The following ACYP2 variants were observed in gnomAD, a reference collection of about 807,000 sequenced individuals.
The protein encoded by ACYP2 is acylphosphatase 2, also known as acylphosphatase-2.
In ACYP2, 12 loss-of-function variants were observed where a neutral mutation model predicts 11.2. The observed-to-expected ratio is 1.08, with a 90% confidence interval of 0.69 to 1.74. ACYP2 has a LOEUF of 1.74. Ranked by LOEUF, ACYP2 falls within the 40% of genes most tolerant of loss-of-function variation. ACYP2 has a pLI of 0.00. For missense variants in ACYP2, 134 were observed against 101.9 expected (o/e 1.31, Z -1.35); for synonymous variants, 43 against 32.2 (o/e 1.33, Z -1.13).
At chr2:54,142,319 C>T (rs1465169878) in intron 6 of ACYP2, 2 of 160,938 alleles carry the variant, frequency 1.2e-5, no homozygotes, top group African/African-American at 4.8e-5. Flanking sequence ...TTAGTATTAA[C>T]TAAAATCCCT....
chr2:54,035,710 C>T (rs369524520), intron 2 of ACYP2, among the ~76,000 whole-genome samples: 1 of 152,136 alleles, frequency 6.6e-6, no homozygotes, highest in East Asian at 1.9e-4. Context: ...CTATAATTTT[C>T]GGTTATAGAA....
intron 6 of ACYP2, among the ~76,000 whole-genome samples, chr2:54,165,460 C>T (rs1682909040): frequency 6.6e-6 from 1 of 151,924 alleles, no homozygotes. Flanking sequence ...GTCTGTCTGT[C>T]TGTCTCTCTC....
chr2:54,079,879 C>A (rs1030069244), intron 4 of ACYP2: 3 of 150,056 alleles, frequency 2.0e-5, no homozygotes, highest in Non-Finnish European at 4.5e-5. Flanking sequence ...ATCCCCAAAT[C>A]TAAAACAACA....
At chr2:54,194,123 C>T (rs1440162227) in intron 6 of ACYP2, among the ~76,000 whole-genome samples, 2 of 152,142 alleles carry the variant, frequency 1.3e-5, no homozygotes, top group African/African-American at 2.4e-5. Context: ...ACTGCAACCT[C>T]TGTCTCCCAG....
intron 6 of ACYP2, among the ~76,000 whole-genome samples, chr2:54,302,615 A>G (rs1019055656): frequency 1.2e-4 from 18 of 152,062 alleles, no homozygotes; most frequent in Admixed American, 1.0e-3. Context: ...ATATCCTCTA[A>G]CCAGACTCAT....
intron 6 of ACYP2, among the ~76,000 whole-genome samples, chr2:54,224,025 G>A (rs1426596003): frequency 6.6e-6 from 1 of 152,208 alleles, no homozygotes; most frequent in East Asian, 1.9e-4. Context: ...GGTGTCTCAA[G>A]ATTCTGTACC....
rs1210281198 is a variant in ACYP2 at position 54,201,626 on chromosome 2, T to TTCTCTCTCTC, written c.404+62881_404+62882insCTCTCTCTCT. Among the ~76,000 whole-genome samples, 12 of 102,550 alleles carry TTCTCTCTCTC rather than the reference T, an allele frequency of 1.2e-4. No individual in the cohort carries two copies. In the East Asian group the frequency reaches 4.0e-3, roughly 34 times the overall value. The allele number at this position is 102,550 out of a possible 152,430, so 67.3% of individuals were successfully genotyped here. A position where few individuals can be genotyped will look rare whatever the true frequency, so the allele number is the denominator to read the frequency against. ...TTTCTTTCTTTCTTTCTTTCTTTGT[T>TTCTCTCTCTC]TCTTTCTTTCTCTTTCTTTCTTTCT... is the stretch of plus-strand genomic sequence containing the variant. On this transcript the variant is annotated intron_variant, in intron 6 of 6. Coordinates refer to ENST00000607452, the MANE Select transcript of ACYP2 (RefSeq NM_001320586.2).
intron 6 of ACYP2, among the ~76,000 whole-genome samples, chr2:54,157,161 C>G (rs1360417571): frequency 6.6e-6 from 1 of 151,882 alleles, no homozygotes; most frequent in East Asian, 1.9e-4. Context: ...TTCTTTCTGT[C>G]CTCTTAATAC....
chr2:54,007,642 G>T, intron 2 of ACYP2, among the ~76,000 whole-genome samples: 1 of 152,208 alleles, frequency 6.6e-6, no homozygotes, highest in Non-Finnish European at 1.5e-5. Flanking sequence ...GAGGCAGGCA[G>T]ATCACCTGAG....
chr2:53,996,480 A>G (rs997652319), intron 2 of ACYP2, among the ~76,000 whole-genome samples: 3 of 152,142 alleles, frequency 2.0e-5, no homozygotes, highest in African/African-American at 7.2e-5. Flanking sequence ...ATATTGAGCA[A>G]AGTCTCAGCC....
At position 54,206,241 on chromosome 2, in the gene ACYP2, G is replaced by A. The variant is rs183115578; in HGVS notation, c.404+67493G>A. On this transcript the variant is annotated intron_variant, in intron 6 of 6. Transcript: ENST00000607452. ...TTTGGGGCCTTGGGCTCAGTATATCGTTGTAATTTATTTGTTTGCAAATAA... is the reference window on the plus strand; with the variant it reads ...TTTGGGGCCTTGGGCTCAGTATATCATTGTAATTTATTTGTTTGCAAATAA... Among the ~76,000 whole-genome samples the A allele has an allele frequency of 1.2e-3, 190 of 152,188 alleles. 1 individual carries two copies. The highest frequency in any genetic ancestry group is 2.1e-3 in the Non-Finnish European group (143 of 67,996).
chr2:54,203,983 TTTGTTGTTG>T (rs896182194), intron 6 of ACYP2, among the ~76,000 whole-genome samples: 22 of 151,988 alleles, frequency 1.4e-4, no homozygotes, highest in African/African-American at 5.1e-4. Context: ...TTATGAGGTT[TTTGTTGTTG>T]TTGTTGTTAT....
intron 6 of ACYP2, among the ~76,000 whole-genome samples, chr2:54,160,722 T>C (rs59835321): frequency 0.07 from 10,652 of 152,250 alleles, 542 homozygotes; most frequent in East Asian, 0.26. Context: ...TACTGGAAAC[T>C]GAAAAGCTCT....
At chr2:54,086,046 C>T (rs1677929587) in intron 4 of ACYP2, among the ~76,000 whole-genome samples, 1 of 152,092 alleles carries the variant, frequency 6.6e-6, no homozygotes, top group East Asian at 1.9e-4. Context: ...CAGATTCAAG[C>T]AATTCTCCTG....
intron 2 of ACYP2, among the ~76,000 whole-genome samples, chr2:54,001,662 G>C (rs902245819): frequency 2.0e-5 from 3 of 152,138 alleles, no homozygotes; most frequent in Admixed American, 6.5e-5. Flanking sequence ...CCAAAGTGCT[G>C]GGATTACAAG....
At chr2:54,026,139 C>T (rs534100357) in intron 2 of ACYP2, among the ~76,000 whole-genome samples, 1 of 152,012 alleles carries the variant, frequency 6.6e-6, no homozygotes, top group Non-Finnish European at 1.5e-5. Context: ...AACAGATAGA[C>T]AATCCACAGT....
intron 6 of ACYP2, among the ~76,000 whole-genome samples, chr2:54,158,534 C>T (rs557963882): frequency 2.0e-5 from 3 of 152,008 alleles, no homozygotes; most frequent in African/African-American, 4.8e-5. Context: ...CACCATGCAC[C>T]AGCAATTCTA....
rs531901692 is a variant in ACYP2, at chr2:54,101,063, T to C, written c.278-34390T>C. On this transcript the variant is annotated intron_variant, in intron 4 of 6. Coordinates refer to ENST00000607452, the MANE Select transcript of ACYP2 (RefSeq NM_001320586.2). ...AGGGTACCACTAGTTGCCCCCATAG[T>C]GCTCACCACAACAGGGAGCTGTGGT... is the stretch of plus-strand genomic sequence containing the variant. 7.9e-5 allele frequency among the ~76,000 whole-genome samples: 12 copies of C among 152,274 alleles called. No homozygotes were observed. The East Asian group carries it at 2.3e-3, about 29-fold the overall frequency.
intron 2 of ACYP2, among the ~76,000 whole-genome samples, chr2:54,007,160 A>G (rs1214328391): frequency 1.4e-5 from 2 of 143,790 alleles, no homozygotes; most frequent in South Asian, 2.1e-4. Flanking sequence ...AAAAAAAAAA[A>G]AAAAGAAAGA....
Sources: allele counts gnomAD v4.1 joint callset (sites outside exome capture counted in the v4.1 genomes callset), GRCh38; gene constraint gnomAD v4.1.1; transcripts MANE v1.5; gene names NCBI Gene and HGNC (gene_info 2026-07-23, HGNC 2026-07-21).